WWP1: variants seen among roughly 807,000 people sequenced by gnomAD.
WWP1 encodes WW domain containing E3 ubiquitin protein ligase 1.
In WWP1, 49 loss-of-function variants were observed where a neutral mutation model predicts 130.6. That is an observed-to-expected ratio of 0.38 (90% CI 0.30 to 0.48). The LOEUF (loss-of-function observed/expected upper bound fraction) is 0.48. Among genes scored for constraint, WWP1 ranks in the 20% least tolerant of loss-of-function variants. The pLI is 0.99. For missense variants in WWP1, 809 were observed against 1,100.6 expected (o/e 0.74, Z 3.75); for synonymous variants, 332 against 367.8 (o/e 0.90, Z 1.11).
intron 24 of WWP1, among the ~76,000 whole-genome samples, chr8:86,466,342 C>T (rs1812130175): frequency 6.6e-6 from 1 of 151,956 alleles, no homozygotes; most frequent in Non-Finnish European, 1.5e-5. Flanking sequence ...ACTGTCTCTA[C>T]CCCAGAATGT....
At position 86,458,079 on chromosome 8, in the gene WWP1, ATGG is replaced by A. The variant is rs1419230773; in HGVS notation, c.2499+59_2499+61del. 8 of 1,440,520 alleles carry A rather than the reference ATGG, an allele frequency of 5.6e-6. No homozygotes were observed. The Admixed American group carries it at 7.1e-5, about 13-fold the overall frequency. The allele number at this position is 1,440,520 out of a possible 1,614,324, so 89.2% of individuals were successfully genotyped here. On this transcript the variant is annotated intron_variant, in intron 22 of 24. Coordinates refer to ENST00000517970, the MANE Select transcript of WWP1 (RefSeq NM_007013.4). ...AGTACTCAACATATTTTCTAATGAA[ATGG>A]TGGTTTTAAAAATAGCTTATTATTT...
At chr8:86,424,288 G>T (rs1245084908) in intron 9 of WWP1, among the ~76,000 whole-genome samples, 1 of 151,352 alleles carries the variant, frequency 6.6e-6, no homozygotes, top group African/African-American at 2.4e-5. Context: ...GGACAGGATG[G>T]CGGCCGGGAA....
At chr8:86,370,120 T>C (rs1369175585) in intron 2 of WWP1, among the ~76,000 whole-genome samples, 1 of 152,224 alleles carries the variant, frequency 6.6e-6, no homozygotes, top group Non-Finnish European at 1.5e-5. Flanking sequence ...TCTTTTCTTT[T>C]TAAAATACCA....
At chr8:86,451,981 T>A (rs1586495336) in intron 20 of WWP1, among the ~76,000 whole-genome samples, 1 of 152,226 alleles carries the variant, frequency 6.6e-6, no homozygotes, top group Non-Finnish European at 1.5e-5. Flanking sequence ...TGTTTTCCAA[T>A]AAAACAGCAG....
chr8:86,390,143 C>T (rs897727983), intron 5 of WWP1, among the ~76,000 whole-genome samples: 15 of 151,840 alleles, frequency 9.9e-5, no homozygotes, highest in Non-Finnish European at 1.5e-4. Flanking sequence ...GATGGGCAGC[C>T]GGGCAGACAC....
intron 9 of WWP1, 144 bp from the exon 10 acceptor site, chr8:86,425,079 A>G (rs1285961725): frequency 1.7e-5 from 9 of 521,460 alleles, no homozygotes; most frequent in Non-Finnish European, 3.0e-5. Context: ...TATATATATA[A>G]TAGCCTTTAT....
chr8:86,428,851 G>A (rs1001414793), intron 11 of WWP1, among the ~76,000 whole-genome samples: 1 of 152,062 alleles, frequency 6.6e-6, no homozygotes, highest in Non-Finnish European at 1.5e-5. Context: ...AATACATATA[G>A]CTTTGTTTTT....
chr8:86,346,179 A>G lies in WWP1; in HGVS notation c.-115+3249A>G, dbSNP rs142254340. Among the ~76,000 whole-genome samples the G allele has an allele frequency of 3.3e-5, 5 of 152,322 alleles. No homozygotes were observed. In the East Asian group the frequency reaches 9.6e-4, roughly 29 times the overall value. ...GAGAGCTGGTGAGTCTGAGGGATGA[A>G]TTGGGTAGAGAAGAGCAGTTAGCAA... On this transcript the variant is annotated intron_variant, in intron 1 of 24. Coordinates refer to ENST00000517970, the MANE Select transcript of WWP1 (RefSeq NM_007013.4).
chr8:86,356,070 A>AT (rs566761227), intron 1 of WWP1, among the ~76,000 whole-genome samples: 216 of 152,272 alleles, frequency 1.4e-3, no homozygotes, highest in African/African-American at 4.9e-3. Flanking sequence ...GTTAGAGATA[A>AT]TTTTTTTGTA....
intron 9 of WWP1, among the ~76,000 whole-genome samples, chr8:86,414,925 A>G (rs891199712): frequency 8.1e-6 from 1 of 123,268 alleles, no homozygotes; most frequent in African/African-American, 3.1e-5. Context: ...CGATTAGGCA[A>G]CTGGGTCATG....
At chr8:86,432,971 T>C (rs1810071423) in intron 14 of WWP1, among the ~76,000 whole-genome samples, 1 of 152,220 alleles carries the variant, frequency 6.6e-6, no homozygotes, top group Non-Finnish European at 1.5e-5. Flanking sequence ...TCTGTATTGC[T>C]GTTCATAGTT....
At chr8:86,390,344 G>A (rs527272160) in intron 5 of WWP1, among the ~76,000 whole-genome samples, 18 of 152,264 alleles carry the variant, frequency 1.2e-4, no homozygotes, top group Admixed American at 1.0e-3. Context: ...CAAGGCAGGC[G>A]GCTGGGAGGT....
rs761290731 is a variant in WWP1 at position 86,411,811 on chromosome 8, A to T, written c.998A>T (p.Asp333Val). ...AFEAAKSRQP[D>V]GCMDPVRQQS... ...GAAGCAGCCAAATCAAGACAGCCAG[A>T]TGGGTGTATGGATCCTGTACGGCAG... The change falls in exon 9 of 25, where the codon GAT becomes GTT. Residue 333 changes from aspartate (D) to valine (V), a missense_variant. Asp to Val is a radical substitution (Grantham distance 152). Transcript: ENST00000517970. 15 of 1,614,114 alleles carry T rather than the reference A, an allele frequency of 9.3e-6. No homozygotes were observed. Among genetic ancestry groups the T allele is most frequent in the Non-Finnish European group, 9.3e-6 (11 of 1,180,034 alleles).
chr8:86,452,631 A>T lies in WWP1; in HGVS notation c.2346A>T (p.Glu782Asp), dbSNP rs1476755269. Residue 782 changes from glutamate (E) to aspartate (D), a missense_variant, in exon 21 of 25, where the codon GAA becomes GAT. Physicochemically the swap from Glu to Asp is conservative, Grantham distance 45. This residue lies in a region of WWP1 where 450 missense variants were observed against 674.2 expected (regional missense o/e 0.67). Transcript: ENST00000517970. The part of the protein sequence containing the change: ...QTKAFLDGFN[E>D]VVPLQWLQYF... ...AAGCTTTCCTTGATGGTTTTAATGA[A>T]GTTGTTCCTCTTCAGTGGCTACAGT... 1.2e-6 allele frequency: 2 copies of T among 1,613,478 alleles called. No individual in the cohort carries two copies.
chr8:86,450,480 A>G (rs1301924170), intron 20 of WWP1, among the ~76,000 whole-genome samples: 1 of 152,256 alleles, frequency 6.6e-6, no homozygotes, highest in African/African-American at 2.4e-5. Context: ...AAAAATAAGT[A>G]CCACAATCTA....
In WWP1 at chr8:86,402,276, A is replaced by G. The variant is rs1808033363; in HGVS notation, c.724+73A>G. ...AGTTTATGTATCCATCCATGCCTAC[A>G]CTTCCCTTTTTGTGTAGTCTTTTTT... On this transcript the variant is annotated intron_variant, in intron 8 of 24. Transcript: ENST00000517970. 14 of 1,495,684 alleles carry G rather than the reference A, an allele frequency of 9.4e-6. No homozygotes were observed. In the South Asian group the frequency reaches 1.9e-4, roughly 20 times the overall value. The allele number at this position is 1,495,684 out of a possible 1,614,324, so 92.7% of individuals were successfully genotyped here. A position where few individuals can be genotyped will look rare whatever the true frequency, so the allele number is the denominator to read the frequency against.
chr8:86,350,991 G>A (rs73268853), intron 1 of WWP1, among the ~76,000 whole-genome samples: 6,271 of 152,178 alleles, frequency 0.041, 187 homozygotes, highest in African/African-American at 0.072. Context: ...AGTTTTTAAC[G>A]GTAGAGGCAC....
At position 86,410,967 on chromosome 8, in the gene WWP1, G is replaced by A. The variant is rs575906047; in HGVS notation, c.725-571G>A. 2.8e-4 allele frequency among the ~76,000 whole-genome samples: 43 copies of A among 152,106 alleles called. 1 individual carries two copies. The South Asian group carries it at 7.7e-3, about 27-fold the overall frequency. On this transcript the variant is annotated intron_variant, in intron 8 of 24. Transcript: ENST00000517970. The stretch of plus-strand genomic sequence containing the variant: ...ATTTGACTCATTTTTATAGTGACAC[G>A]TAGTCGAACTAGATCAATCACACTT...
chr8:86,458,322 T>C (rs1330560113), intron 22 of WWP1, among the ~76,000 whole-genome samples: 3 of 152,172 alleles, frequency 2.0e-5, no homozygotes, highest in Non-Finnish European at 4.4e-5. Flanking sequence ...TAGTCTAAAT[T>C]CCACTTAATT....
Sources: allele counts gnomAD v4.1 joint callset (sites outside exome capture counted in the v4.1 genomes callset), GRCh38; gene constraint gnomAD v4.1.1; regional missense constraint gnomAD v4.1.1; transcripts MANE v1.5; gene names NCBI Gene and HGNC (gene_info 2026-07-23, HGNC 2026-07-21).